Variants in BICD1 observed in about 807,000 individuals in gnomAD.
BICD1 encodes the protein BICD cargo adaptor 1, also known as protein bicaudal D homolog 1.
In BICD1, 35 loss-of-function variants were observed where a neutral mutation model predicts 92.5. The observed-to-expected ratio is 0.38, with a 90% confidence interval of 0.29 to 0.50. BICD1 has a LOEUF of 0.50. Ranked by LOEUF, BICD1 falls within the 20% of genes least tolerant of loss-of-function variation. BICD1 has a pLI of 0.93. For missense variants in BICD1, 950 were observed against 1,189.8 expected, an observed-to-expected ratio of 0.80 and a Z score of 2.97; for synonymous variants, 429 against 465.1, an observed-to-expected ratio of 0.92 and a Z score of 1.00.
chr12:32,293,898 G>A (rs755015348), intron 2 of BICD1, 96 bp from the exon 3 acceptor site: 89 of 1,254,640 alleles, frequency 7.1e-5, no homozygotes, highest in Non-Finnish European at 9.6e-5. Context: ...CACCCCATGA[G>A]GTGTTTTTAT....
chr12:32,158,230 T>C (rs1278336981), intron 1 of BICD1, among the ~76,000 whole-genome samples: 2 of 151,266 alleles, frequency 1.3e-5, no homozygotes, highest in Non-Finnish European at 2.9e-5. Context: ...CTCAGCCTCC[T>C]GAGTAGCTGG....
intron 4 of BICD1, among the ~76,000 whole-genome samples, chr12:32,314,043 T>G (rs1377686079): frequency 1.3e-5 from 2 of 152,208 alleles, no homozygotes; most frequent in Non-Finnish European, 2.9e-5. Context: ...GTGACTGGCT[T>G]CTTTCACTTA....
intron 2 of BICD1, among the ~76,000 whole-genome samples, chr12:32,238,680 C>T (rs1408938646): frequency 2.6e-5 from 4 of 152,066 alleles, no homozygotes; most frequent in African/African-American, 9.7e-5. Flanking sequence ...TGTGGTGGCT[C>T]ACGCCTGTAA....
rs1411722126 is a variant in BICD1 at position 32,225,621 on chromosome 12, G to GTTTTTGTTTTTTTTTTT, written c.426+9167_426+9168insGTTTTTTTTTTTTTTTT. 6.0e-4 allele frequency among the ~76,000 whole-genome samples: 56 copies of GTTTTTGTTTTTTTTTTT among 92,782 alleles called. 7 individuals carry two copies. The highest frequency in any genetic ancestry group is 6.0e-3 in the East Asian group (13 of 2,162). 60.9% of individuals were successfully genotyped at this position (92,782 alleles called of 152,430 possible). Reference sequence around the variant, plus strand: ...TGGTATTTGACAGTTCTTTTTTTCTGTTTTTTTTTTTTTTTTTTTTAGACG... The same window carrying GTTTTTGTTTTTTTTTTT: ...TGGTATTTGACAGTTCTTTTTTTCTGTTTTTGTTTTTTTTTTTTTTTTTTTTTTTTTTTTTTTAGACG... On this transcript the variant is annotated intron_variant, in intron 2 of 9. Coordinates refer to ENST00000652176, the MANE Select transcript of BICD1 (RefSeq NM_001714.4).
intron 1 of BICD1, among the ~76,000 whole-genome samples, chr12:32,185,064 C>T (rs1485962828): frequency 6.6e-6 from 1 of 152,162 alleles, no homozygotes; most frequent in African/African-American, 2.4e-5. Context: ...GAACTCCACC[C>T]CTGCCACAGC....
chr12:32,292,060 C>T (rs1324359030), intron 2 of BICD1, among the ~76,000 whole-genome samples: 4 of 152,134 alleles, frequency 2.6e-5, no homozygotes, highest in African/African-American at 9.7e-5. Flanking sequence ...CTTAGGGCTG[C>T]CGTAACAAAG....
At chr12:32,120,510 C>A (rs1942103562) in intron 1 of BICD1, among the ~76,000 whole-genome samples, 1 of 152,070 alleles carries the variant, frequency 6.6e-6, no homozygotes, top group Non-Finnish European at 1.5e-5. Context: ...AATCAAATAC[C>A]ACTATTGAAG....
chr12:32,221,724 A>C (rs1433457343), intron 2 of BICD1, among the ~76,000 whole-genome samples: 1 of 151,980 alleles, frequency 6.6e-6, no homozygotes, highest in Non-Finnish European at 1.5e-5. Context: ...AAATACAGGG[A>C]GTATAAACAA....
intron 4 of BICD1, among the ~76,000 whole-genome samples, chr12:32,317,559 T>G (rs2099873651): frequency 6.6e-6 from 1 of 152,188 alleles, no homozygotes; most frequent in Admixed American, 6.5e-5. Context: ...GGGTTGTTTG[T>G]TTTTTTCTTG....
chr12:32,327,217 A>T (rs149714079), intron 4 of BICD1, among the ~76,000 whole-genome samples: 1 of 152,364 alleles, frequency 6.6e-6, no homozygotes, highest in African/African-American at 2.4e-5. Context: ...TCGTCAGTAT[A>T]TGTGTATGAT....
chr12:32,162,317 T>C (rs1449025218), intron 1 of BICD1, among the ~76,000 whole-genome samples: 1 of 152,262 alleles, frequency 6.6e-6, no homozygotes, highest in African/African-American at 2.4e-5. Flanking sequence ...GTATCTATTC[T>C]ACTTCCTTAA....
Position 32,288,805 on chromosome 12 carries a change from G to A in BICD1, c.427-5189G>A, listed in dbSNP as rs192577418. ...CACTTGAACCTGGGAGGCGGAGGTT[G>A]CAGTGAGCCAAGATCATGCCACTGT... On this transcript the variant is annotated intron_variant, in intron 2 of 9. Transcript: ENST00000652176. 4.5e-4 allele frequency among the ~76,000 whole-genome samples: 68 copies of A among 151,946 alleles called. No homozygotes were observed. In the East Asian group the frequency reaches 9.3e-3, roughly 21 times the overall value.
intron 4 of BICD1, among the ~76,000 whole-genome samples, chr12:32,326,454 G>C (rs1051941433): frequency 6.6e-6 from 1 of 151,880 alleles, no homozygotes; most frequent in Non-Finnish European, 1.5e-5. Flanking sequence ...TTCATCACAC[G>C]GTAATACTTA....
intron 1 of BICD1, among the ~76,000 whole-genome samples, chr12:32,157,760 A>G (rs1023652990): frequency 6.6e-6 from 1 of 152,088 alleles, no homozygotes; most frequent in Non-Finnish European, 1.5e-5. Flanking sequence ...TTTACCTTAG[A>G]GATTTTACTT....
At chr12:32,276,180 T>C (rs956037883) in intron 2 of BICD1, among the ~76,000 whole-genome samples, 9 of 152,062 alleles carry the variant, frequency 5.9e-5, no homozygotes, top group Non-Finnish European at 1.2e-4. Context: ...CGCAGACCCC[T>C]GGACCGGCCT....
At chr12:32,243,279 TTTTTTTGTA>T (rs990096817) in intron 2 of BICD1, among the ~76,000 whole-genome samples, 1 of 136,750 alleles carries the variant, frequency 7.3e-6, no homozygotes, top group African/African-American at 2.8e-5. Flanking sequence ...TTTTTTTTTT[TTTTTTTGTA>T]TTTTTGGTAG....
intron 4 of BICD1, among the ~76,000 whole-genome samples, chr12:32,307,478 G>C (rs542358805): frequency 6.6e-6 from 1 of 152,114 alleles, no homozygotes; most frequent in Non-Finnish European, 1.5e-5. Flanking sequence ...GTGGAGCTCC[G>C]TGTAGATCTA....
At chr12:32,234,798 C>T (rs1946015469) in intron 2 of BICD1, among the ~76,000 whole-genome samples, 1 of 151,458 alleles carries the variant, frequency 6.6e-6, no homozygotes. Flanking sequence ...AATCCTCCTG[C>T]CTCAGCTTCC....
intron 2 of BICD1, among the ~76,000 whole-genome samples, chr12:32,226,061 G>A (rs1945678809): frequency 6.6e-6 from 1 of 152,072 alleles, no homozygotes; most frequent in Non-Finnish European, 1.5e-5. Context: ...TATTCTCTTT[G>A]GCATAGTGTC....
Sources: gnomAD v4.1 joint callset for allele counts (sites outside exome capture counted in the v4.1 genomes callset) on GRCh38, gnomAD v4.1.1 for gene constraint, MANE v1.5 for transcripts, NCBI Gene and HGNC (gene_info 2026-07-23, HGNC 2026-07-21) for gene names.